Variants in AGBL1 observed in about 807,000 individuals in gnomAD.
AGBL1 encodes AGBL carboxypeptidase 1.
AGBL1 carries 130 observed loss-of-function variants against 118.9 expected under a neutral mutation model. The ratio of observed to expected loss-of-function variants is 1.09; its 90% CI spans 0.95 to 1.26. AGBL1 has a LOEUF of 1.26. AGBL1 is among the 50% of genes most tolerant of loss of function. The pLI is 0.00. For synonymous variants in AGBL1, 555 were observed against 478.9 expected (o/e 1.16, Z -2.08); for missense variants, 1,584 against 1,298.1 (o/e 1.22, Z -3.38).
chr15:86,526,849 A>C (rs776442317), intron 19 of AGBL1, among the ~76,000 whole-genome samples: 1 of 152,042 alleles, frequency 6.6e-6, no homozygotes, highest in Non-Finnish European at 1.5e-5. Flanking sequence ...TTGGAGAAAC[A>C]GAAGGGGGTT....
intron 19 of AGBL1, among the ~76,000 whole-genome samples, chr15:86,530,067 C>G (rs1487012508): frequency 7.7e-6 from 1 of 129,906 alleles, no homozygotes; most frequent in Non-Finnish European, 1.5e-5. Flanking sequence ...GCAAAATCAC[C>G]AGCTAACATC....
intron 24 of AGBL1, among the ~76,000 whole-genome samples, chr15:87,027,108 ACCACC>A (rs2081736400): frequency 6.6e-6 from 1 of 151,982 alleles, no homozygotes; most frequent in African/African-American, 2.4e-5. Flanking sequence ...GTCACCAAAC[ACCACC>A]TGTTCCTCAA....
At chr15:86,268,972 A>G (rs2079114980) in intron 13 of AGBL1, among the ~76,000 whole-genome samples, 2 of 152,242 alleles carry the variant, frequency 1.3e-5, no homozygotes, top group South Asian at 4.1e-4. Context: ...ATTTTTAAAA[A>G]TGAAATATCC....
At chr15:86,809,418 T>C (rs1415348640) in intron 22 of AGBL1, among the ~76,000 whole-genome samples, 1 of 152,192 alleles carries the variant, frequency 6.6e-6, no homozygotes, top group East Asian at 1.9e-4. Context: ...CACATATATA[T>C]ATGCTGAGCT....
intron 23 of AGBL1, among the ~76,000 whole-genome samples, chr15:86,948,012 A>G (rs933450771): frequency 3.3e-5 from 5 of 152,220 alleles, no homozygotes; most frequent in African/African-American, 1.2e-4. Flanking sequence ...TAAGGTTGTC[A>G]TCTACCTCAA....
intron 21 of AGBL1, among the ~76,000 whole-genome samples, chr15:86,590,503 G>A (rs147634686): frequency 3.0e-4 from 45 of 152,278 alleles, no homozygotes; most frequent in African/African-American, 8.4e-4. Context: ...CCTCAGCCAT[G>A]CTAAACTGTG....
Position 86,079,962 on chromosome 15 carries a change from C to T in AGBL1, c.-11C>T. 8.1e-7 allele frequency: 1 copy of T among 1,232,224 alleles called. No individual in the cohort carries two copies. The highest frequency in any genetic ancestry group is 1.0e-6 in the Non-Finnish European group (1 of 988,054). 76.3% of individuals were successfully genotyped at this position (1,232,224 alleles called of 1,614,324 possible). A position where few individuals can be genotyped will look rare whatever the true frequency, so the allele number is the denominator to read the frequency against. ...GCCGCAGGCAGCGGTTCCCTAGGAC[C>T]CGAGAAAAGGATGGCCGAACAAGAA... On this transcript the variant is annotated 5_prime_UTR_variant, in exon 1 of 23. Transcript: ENST00000614907.
intron 23 of AGBL1, among the ~76,000 whole-genome samples, chr15:86,948,373 T>G (rs913385510): frequency 2.6e-5 from 4 of 152,082 alleles, no homozygotes; most frequent in Non-Finnish European, 4.4e-5. Flanking sequence ...AAATGGACAT[T>G]TAAAATAAAA....
chr15:86,684,377 C>T (rs1407323295), intron 22 of AGBL1, among the ~76,000 whole-genome samples: 1 of 151,952 alleles, frequency 6.6e-6, no homozygotes, highest in East Asian at 1.9e-4. Context: ...CTACTGTACC[C>T]AAGATGAAAT....
At chr15:86,433,436 G>A (rs1482970654) in intron 18 of AGBL1, among the ~76,000 whole-genome samples, 1 of 151,838 alleles carries the variant, frequency 6.6e-6, no homozygotes, top group Non-Finnish European at 1.5e-5. Flanking sequence ...TGGAAATTAC[G>A]TTGGCATTTC....
At chr15:86,700,492 CACACACACACACACACACAA>C (rs929515794) in intron 22 of AGBL1, among the ~76,000 whole-genome samples, 18 of 123,342 alleles carry the variant, frequency 1.5e-4, no homozygotes, top group Admixed American at 2.7e-4. Context: ...CACACACACA[CACACACACACACACACACAA>C]AATCTCTCTT....
intron 21 of AGBL1, among the ~76,000 whole-genome samples, chr15:86,650,655 C>A (rs1327347911): frequency 1.3e-5 from 2 of 151,944 alleles, no homozygotes; most frequent in African/African-American, 2.4e-5. Context: ...AGAAAAAAAA[C>A]CCTGAATTTA....
At chr15:86,261,658 T>C (rs2078987145) in intron 9 of AGBL1, among the ~76,000 whole-genome samples, 1 of 152,060 alleles carries the variant, frequency 6.6e-6, no homozygotes, top group Non-Finnish European at 1.5e-5. Context: ...ATCTAGGATA[T>C]GAAAAGATGA....
At chr15:86,876,415 C>T (rs1170544453) in intron 22 of AGBL1, among the ~76,000 whole-genome samples, 1 of 152,022 alleles carries the variant, frequency 6.6e-6, no homozygotes, top group Non-Finnish European at 1.5e-5. Flanking sequence ...GGAGGTGATA[C>T]TGCTGCTGAC....
chr15:86,839,615 T>C (rs2079217647), intron 22 of AGBL1, among the ~76,000 whole-genome samples: 2 of 152,202 alleles, frequency 1.3e-5, no homozygotes, highest in Admixed American at 6.5e-5. Context: ...CTTCCCCTTA[T>C]ATGTCAGTTG....
At chr15:86,562,979 C>T (rs531297387) in intron 21 of AGBL1, among the ~76,000 whole-genome samples, 34 of 152,088 alleles carry the variant, frequency 2.2e-4, no homozygotes, top group South Asian at 8.4e-4. Context: ...TCTGTGGGAT[C>T]GGTGGTGATA....
At chr15:87,013,557 T>TAAAG (rs1428662784) in intron 24 of AGBL1, among the ~76,000 whole-genome samples, 4 of 151,610 alleles carry the variant, frequency 2.6e-5, no homozygotes, top group Non-Finnish European at 5.9e-5. Context: ...ACAAGACTCC[T>TAAAG]AAAGATTTAT....
chr15:86,885,118 A>T (rs888273832), intron 22 of AGBL1, among the ~76,000 whole-genome samples: 3 of 46,048 alleles, frequency 6.5e-5, no homozygotes, highest in Admixed American at 6.1e-4. Flanking sequence ...TGTGTAAAAT[A>T]ACTTTACATA....
chr15:86,814,818 C>A (rs2078837484), intron 22 of AGBL1, among the ~76,000 whole-genome samples: 2 of 152,124 alleles, frequency 1.3e-5, no homozygotes, highest in Admixed American at 6.5e-5. Context: ...ACTTTTATTG[C>A]CTTTGCCTCA....
Sources: allele counts gnomAD v4.1 joint callset (sites outside exome capture counted in the v4.1 genomes callset), GRCh38; gene constraint gnomAD v4.1.1; transcripts MANE v1.5; gene names NCBI Gene and HGNC (gene_info 2026-07-23, HGNC 2026-07-21).